DDAH1: variants seen among roughly 807,000 people sequenced by gnomAD.
DDAH1 encodes N(G),N(G)-dimethylarginine dimethylaminohydrolase 1.
DDAH1 carries 19 observed loss-of-function variants against 28.8 expected under a neutral mutation model. The observed-to-expected ratio is 0.66, with a 90% CI of 0.46 to 0.97. The LOEUF (loss-of-function observed/expected upper bound fraction) is 0.97, where lower values mean the gene tolerates loss of function less well. DDAH1 is among the 50% of genes least tolerant of loss of function. The pLI is 0.00. For synonymous variants in DDAH1, 153 were observed against 154.4 expected, an observed-to-expected ratio of 0.99 and a Z score of 0.07; for missense variants, 326 against 375.9, an observed-to-expected ratio of 0.87 and a Z score of 1.10.
At chr1:85,396,028 T>G (rs1223399489) in intron 1 of DDAH1, among the ~76,000 whole-genome samples, 1 of 152,212 alleles carries the variant, frequency 6.6e-6, no homozygotes, top group African/African-American at 2.4e-5. Flanking sequence ...CTGAGTCTCC[T>G]CTTTATTATA....
At chr1:85,430,874 AC>A (rs1653652996) in intron 1 of DDAH1, among the ~76,000 whole-genome samples, 1 of 152,000 alleles carries the variant, frequency 6.6e-6, no homozygotes, top group Non-Finnish European at 1.5e-5. Context: ...CTATTTGAAT[AC>A]CCTTTATTTC....
chr1:85,326,768 T>C (rs181837673), intron 4 of DDAH1, among the ~76,000 whole-genome samples: 11 of 152,344 alleles, frequency 7.2e-5, no homozygotes, highest in Non-Finnish European at 1.3e-4. Flanking sequence ...ATTTAAATTG[T>C]TCTTGAAGGG....
chr1:85,371,930 T>C (rs1650404806), intron 1 of DDAH1, among the ~76,000 whole-genome samples: 1 of 152,176 alleles, frequency 6.6e-6, no homozygotes, highest in Admixed American at 6.6e-5. Flanking sequence ...TTGACTGTTC[T>C]ACATTGCCCT....
At chr1:85,442,024 G>A (rs1364052713) in intron 1 of DDAH1, among the ~76,000 whole-genome samples, 3 of 151,744 alleles carry the variant, frequency 2.0e-5, no homozygotes, top group Non-Finnish European at 4.4e-5. Context: ...GGTGACCAAA[G>A]CCACAAACTT....
chr1:85,466,039 G>A (rs1025340255), upstream of DDAH1, among the ~76,000 whole-genome samples: 15 of 152,150 alleles, frequency 9.9e-5, no homozygotes, highest in African/African-American at 3.6e-4. Context: ...TAGGGCCAAG[G>A]CCCAGGCTAC....
At chr1:85,446,765 T>C (rs905720246) in intron 1 of DDAH1, among the ~76,000 whole-genome samples, 3 of 152,152 alleles carry the variant, frequency 2.0e-5, no homozygotes, top group South Asian at 2.1e-4. Flanking sequence ...CATGGAGATG[T>C]ATCAAGTTTC....
At chr1:85,371,750 T>C (rs1029294659) in intron 1 of DDAH1, among the ~76,000 whole-genome samples, 9 of 152,222 alleles carry the variant, frequency 5.9e-5, no homozygotes, top group South Asian at 2.1e-4. Flanking sequence ...CACATTCATA[T>C]TCACTTATTC....
rs548321893 is a variant in DDAH1, at chr1:85,436,668, T to C, written c.303+28075A>G. Among the ~76,000 whole-genome samples, 7 of 152,228 alleles carry C rather than the reference T, an allele frequency of 4.6e-5. No individual in the cohort carries two copies. In the East Asian group the frequency reaches 1.2e-3, roughly 25 times the overall value. On this transcript the variant is annotated intron_variant, in intron 1 of 5. Transcript: ENST00000284031. Reference sequence around the variant, plus strand: ...GGCTTCAGTATCCTGGGCTAACTAATCAATCAGATGAGTATTATGGTGGGG... The same window carrying C: ...GGCTTCAGTATCCTGGGCTAACTAACCAATCAGATGAGTATTATGGTGGGG...
chr1:85,551,818 AT>A (rs1251972313), intron 1 of DDAH1, among the ~76,000 whole-genome samples: 1 of 152,206 alleles, frequency 6.6e-6, no homozygotes, highest in East Asian at 1.9e-4. Flanking sequence ...TAGAGAGATG[AT>A]CATATGCAAA....
chr1:85,353,539 T>A (rs979133370), intron 2 of DDAH1, among the ~76,000 whole-genome samples: 5 of 152,156 alleles, frequency 3.3e-5, no homozygotes, highest in African/African-American at 1.2e-4. Flanking sequence ...GGTAATGGCA[T>A]GATTGTGTTG....
chr1:85,524,142 G>C (rs533007164), intron 1 of DDAH1, among the ~76,000 whole-genome samples: 3 of 152,122 alleles, frequency 2.0e-5, no homozygotes, highest in Non-Finnish European at 2.9e-5. Flanking sequence ...GTAGCTTACA[G>C]GTTAATGGGG....
chr1:85,576,373 A>G (rs1396831824), intron 1 of DDAH1, among the ~76,000 whole-genome samples: 3 of 152,164 alleles, frequency 2.0e-5, no homozygotes, highest in African/African-American at 7.2e-5. Flanking sequence ...CAGCCTACTG[A>G]TGGCAGAGCC....
In DDAH1 at chr1:85,387,242, G is replaced by A. The variant is rs559597627; in HGVS notation, c.304-28395C>T. ...GTGCTTTTTCCTTCCTACTACATAG[G>A]CAGGCTGAGAACTTTCCAAAATTTT... On this transcript the variant is annotated intron_variant, in intron 1 of 5. Transcript: ENST00000284031. Among the ~76,000 whole-genome samples, 7 of 152,144 alleles carry A rather than the reference G, an allele frequency of 4.6e-5. No individual in the cohort carries two copies. The East Asian group carries it at 1.4e-3, about 29-fold the overall frequency.
chr1:85,577,366 G>C (rs1418948694), intron 1 of DDAH1, among the ~76,000 whole-genome samples: 6 of 152,302 alleles, frequency 3.9e-5, no homozygotes, highest in South Asian at 2.1e-4. Flanking sequence ...GGGATGGTAC[G>C]GGGGCGCCAC....
chr1:85,519,548 A>C (rs1159219048), intron 1 of DDAH1, among the ~76,000 whole-genome samples: 1 of 152,224 alleles, frequency 6.6e-6, no homozygotes. Flanking sequence ...GTGTGGAAAC[A>C]AAAAGGAATT....
intron 1 of DDAH1, among the ~76,000 whole-genome samples, chr1:85,390,714 A>G (rs1049624375): frequency 3.3e-5 from 5 of 152,182 alleles, no homozygotes; most frequent in African/African-American, 1.2e-4. Context: ...GAGATCTTAG[A>G]GCCAAAGCCA....
intron 2 of DDAH1, chr1:85,495,837 AG>A (rs1656568491): frequency 6.6e-6 from 1 of 152,236 alleles, no homozygotes; most frequent in East Asian, 1.9e-4. Context: ...TGCTGAAACC[AG>A]GAGCCTCAGC....
Position 85,351,544 on chromosome 1 carries a change from T to G in DDAH1, c.439A>C (p.Asn147His), listed in dbSNP as rs886528721. The G allele has an allele frequency of 1.9e-6, 3 of 1,614,026 alleles. No individual in the cohort carries two copies. In the African/African-American group the frequency reaches 4.0e-5, roughly 22 times the overall value. Residue 147 changes from asparagine to histidine, a missense_variant, in exon 3 of 6, where the codon AAT becomes CAT. Transcript: ENST00000284031. The part of the protein sequence containing the change: ...EFFVGLSKRT[N>H]QRGAEILADT... Reference sequence around the variant, plus strand: ...GCCAAGATTTCAGCACCTCGTTGATTTGTCCTTTTGGAAAGGCCCACAAAA... The same window carrying G: ...GCCAAGATTTCAGCACCTCGTTGATGTGTCCTTTTGGAAAGGCCCACAAAA...
At chr1:85,358,954 C>T in intron 1 of DDAH1, 107 bp from the exon 2 acceptor site, 1 of 708,180 alleles carries the variant, frequency 1.4e-6, no homozygotes, top group Non-Finnish European at 2.4e-6. Context: ...CACACCCACA[C>T]ACATCCACAC....
Sources: allele counts gnomAD v4.1 joint callset (sites outside exome capture counted in the v4.1 genomes callset), GRCh38; gene constraint gnomAD v4.1.1; transcripts MANE v1.5; gene names NCBI Gene and HGNC (gene_info 2026-07-23, HGNC 2026-07-21).